The following MYOM2 variants were observed in gnomAD, a reference collection of about 807,000 sequenced individuals.
MYOM2 encodes myomesin-2.
MYOM2 carries 254 observed loss-of-function variants against 187.6 expected under a neutral mutation model. The observed-to-expected ratio is 1.35, with a 90% confidence interval of 1.22 to 1.50. The LOEUF (loss-of-function observed/expected upper bound fraction) is 1.50, where lower values mean the gene tolerates loss of function less well. Among genes scored for constraint, MYOM2 ranks in the 40% most tolerant of loss-of-function variants. The pLI is 0.00. For synonymous variants in MYOM2, 981 were observed against 753.8 expected (o/e 1.30, Z -4.94); for missense variants, 2,796 against 1,924.0 (o/e 1.45, Z -8.48).
At chr8:2,072,534 G>A (rs764164718) in intron 9 of MYOM2, 25 bp downstream of exon 9, 24 of 1,602,344 alleles carry the variant, frequency 1.5e-5, no homozygotes, top group South Asian at 5.5e-5. Flanking sequence ...GCCCAGACCC[G>A]GGCACACACC....
chr8:2,142,347 T>A, intron 34 of MYOM2, 28 bp from the exon 35 acceptor site: 1 of 1,610,688 alleles, frequency 6.2e-7, no homozygotes, highest in African/African-American at 1.3e-5. Flanking sequence ...CTTTTCATTC[T>A]CTCCTTTCTG....
At chr8:2,069,598 T>G (rs138420443) in intron 8 of MYOM2, 101 bp downstream of exon 8, 3 of 1,424,688 alleles carry the variant, frequency 2.1e-6, no homozygotes, top group Non-Finnish European at 2.9e-6. Context: ...TTTTTTTTTT[T>G]TGAGACGGAG....
intron 3 of MYOM2, among the ~76,000 whole-genome samples, chr8:2,054,040 G>A (rs555142056): frequency 1.3e-5 from 2 of 152,186 alleles, no homozygotes; most frequent in African/African-American, 2.4e-5. Context: ...AGTGAGCCCC[G>A]TGCTGAGTGA....
At chr8:2,108,263 AT>A (rs202136897) in intron 23 of MYOM2, among the ~76,000 whole-genome samples, 10 of 148,374 alleles carry the variant, frequency 6.7e-5, no homozygotes, top group Admixed American at 3.3e-4. Flanking sequence ...TTATTTATTT[AT>A]TTTTTTTGTT....
rs58102747 is a variant in MYOM2 at position 2,114,618 on chromosome 8, C to T, written c.3181-1342C>T. 6.8e-3 allele frequency among the ~76,000 whole-genome samples: 1,041 copies of T among 152,052 alleles called. 19 individuals carry two copies. The highest frequency in any genetic ancestry group is 0.049 in the East Asian group (250 of 5,136). Reference sequence around the variant, plus strand: ...CTGAGTAGCTGGGATTACAGGCGTGCGCCACCACACCTGGCTAATTCTTGT... The same window carrying T: ...CTGAGTAGCTGGGATTACAGGCGTGTGCCACCACACCTGGCTAATTCTTGT... On this transcript the variant is annotated intron_variant, in intron 25 of 36. Coordinates refer to ENST00000262113, the MANE Select transcript of MYOM2 (RefSeq NM_003970.4).
chr8:2,122,880 G>T (rs1335364331), intron 28 of MYOM2, among the ~76,000 whole-genome samples: 1 of 152,196 alleles, frequency 6.6e-6, no homozygotes, highest in Non-Finnish European at 1.5e-5. Flanking sequence ...CAGCTTTACA[G>T]ACCCCTCAGA....
Position 2,118,561 on chromosome 8 carries a change from T to A in MYOM2, c.3453+609T>A, listed in dbSNP as rs1797322651. Among the ~76,000 whole-genome samples the A allele has an allele frequency of 3.9e-5, 6 of 152,188 alleles. No homozygotes were observed. In the South Asian group the frequency reaches 1.2e-3, roughly 31 times the overall value. On this transcript the variant is annotated intron_variant, in intron 28 of 36. Transcript: ENST00000262113. ...CAGACAGTTTCAATAAAGAGATGAT[T>A]CGTGAGCTGCGTGTGCCAAGGGGAC...
At chr8:2,087,249 A>T (rs946386348) in intron 14 of MYOM2, among the ~76,000 whole-genome samples, 2 of 152,210 alleles carry the variant, frequency 1.3e-5, no homozygotes, top group Non-Finnish European at 2.9e-5. Flanking sequence ...TATGCAAGTA[A>T]CAGAGAATAT....
In MYOM2 at chr8:2,051,516, T is replaced by C. The variant is rs184284887; in HGVS notation, c.108-642T>C. On this transcript the variant is annotated intron_variant, in intron 2 of 36. Coordinates refer to ENST00000262113, the MANE Select transcript of MYOM2 (RefSeq NM_003970.4). The stretch of plus-strand genomic sequence containing the variant: ...GCGGGCAGGCGTTCTGCAGCCCAGG[T>C]GCCTGCCTCATGTCACCCACACCCT... 2.1e-3 allele frequency among the ~76,000 whole-genome samples: 322 copies of C among 152,322 alleles called. 3 individuals carry two copies. The highest frequency in any genetic ancestry group is 6.8e-3 in the Middle Eastern group (2 of 294).
rs150729575 is a variant in MYOM2, at chr8:2,102,873, A to G, written c.2734+92A>G. ...TGTATGGATGAGGGTGTGTGGATAA[A>G]TGAGTGGGAGAGTGAACACGTGTTA... On this transcript the variant is annotated intron_variant, in intron 21 of 36. Coordinates refer to ENST00000262113, the MANE Select transcript of MYOM2 (RefSeq NM_003970.4). 5.7e-3 allele frequency: 5,834 copies of G among 1,027,330 alleles called. 36 individuals carry two copies. The highest frequency in any genetic ancestry group is 6.5e-3 in the Non-Finnish European group (4,411 of 677,736). The allele number at this position is 1,027,330 out of a possible 1,614,324, so 63.6% of individuals were successfully genotyped here.
chr8:2,079,221 T>C (rs1230648330), intron 12 of MYOM2, among the ~76,000 whole-genome samples: 1 of 151,888 alleles, frequency 6.6e-6, no homozygotes, highest in Non-Finnish European at 1.5e-5. Flanking sequence ...ATTCCATTGG[T>C]GATATAATTT....
chr8:2,050,810 A>C lies in MYOM2; in HGVS notation c.44A>C (p.His15Pro), dbSNP rs1264225784. ...TVPFYQKRHRHFDQSYRNIQT... is the reference protein window; with the variant it reads ...TVPFYQKRHRPFDQSYRNIQT... ...CCCTTCTACCAGAAGAGACATAGGC[A>C]CTTCGACCAGTCCTACCGTAATATT... The change falls in exon 2 of 37, where the codon CAC becomes CCC. Residue 15 changes from histidine (H) to proline (P), a missense_variant. Coordinates refer to ENST00000262113, the MANE Select transcript of MYOM2 (RefSeq NM_003970.4). 6.2e-7 allele frequency: 1 copy of C among 1,613,678 alleles called. No individual in the cohort carries two copies. Among genetic ancestry groups the C allele is most frequent in the East Asian group, 2.2e-5 (1 of 44,848 alleles).
chr8:2,144,569 G>A (rs2116931643), intron 36 of MYOM2, 95 bp from the exon 37 acceptor site: 1 of 1,236,922 alleles, frequency 8.1e-7, no homozygotes, highest in Admixed American at 2.1e-5. Flanking sequence ...ACCAATAAAT[G>A]TAACTGAGTG....
intron 28 of MYOM2, among the ~76,000 whole-genome samples, chr8:2,122,711 G>T (rs904281078): frequency 3.3e-5 from 5 of 152,126 alleles, no homozygotes; most frequent in Non-Finnish European, 5.9e-5. Flanking sequence ...ATTTATCTTC[G>T]GAGTTCCGCA....
At chr8:2,089,959 G>A (rs768164438) in intron 14 of MYOM2, 49 bp from the exon 15 acceptor site, 4 of 1,590,366 alleles carry the variant, frequency 2.5e-6, no homozygotes, top group Non-Finnish European at 3.4e-6. Context: ...CACGCCTCTG[G>A]GGACCTCGCG....
rs1206458506 is a variant in MYOM2 at position 2,085,274 on chromosome 8, G to T, written c.1528G>T (p.Val510Phe). 2.5e-6 allele frequency: 4 copies of T among 1,613,926 alleles called. No individual in the cohort carries two copies. Among genetic ancestry groups the T allele is most frequent in the African/African-American group, 1.3e-5 (1 of 74,908 alleles). ...YQDDLEGDAQ[V>F]PGPPTGVHAS... ...TATTATTCCTCCAGGTGACGCCCAGGTTCCAGGGCCTCCCACCGGTGTGCA... is the reference window on the plus strand; with the variant it reads ...TATTATTCCTCCAGGTGACGCCCAGTTTCCAGGGCCTCCCACCGGTGTGCA... The change falls in exon 14 of 37, where the codon GTT becomes TTT. Residue 510 changes from valine to phenylalanine, a missense_variant. Physicochemically the swap from Val to Phe is conservative, Grantham distance 50. Transcript: ENST00000262113.
At chr8:2,100,275 G>A (rs934771406) in intron 19 of MYOM2, among the ~76,000 whole-genome samples, 18 of 151,672 alleles carry the variant, frequency 1.2e-4, no homozygotes, top group African/African-American at 4.1e-4. Flanking sequence ...ACCAACAGAA[G>A]AAAAAAGTCA....
At chr8:2,142,209 C>G (rs1798297174) in intron 34 of MYOM2, among the ~76,000 whole-genome samples, 166 bp from the exon 35 acceptor site, 2 of 152,148 alleles carry the variant, frequency 1.3e-5, no homozygotes, top group Admixed American at 6.5e-5. Flanking sequence ...TCAGTGATAT[C>G]CATCCTGGGG....
intron 28 of MYOM2, among the ~76,000 whole-genome samples, chr8:2,120,680 TTATATATAAATATATA>T (rs1797413406): frequency 4.1e-5 from 2 of 48,292 alleles, no homozygotes; most frequent in African/African-American, 6.6e-5. Context: ...ATATATTATA[TTATATATAAATATATA>T]ATATATATAT....
Sources: allele counts gnomAD v4.1 joint callset (sites outside exome capture counted in the v4.1 genomes callset), GRCh38; gene constraint gnomAD v4.1.1; transcripts MANE v1.5; gene names NCBI Gene and HGNC (gene_info 2026-07-23, HGNC 2026-07-21).